Variants in TNRC18 observed in about 807,000 individuals in gnomAD.
The protein encoded by TNRC18 is trinucleotide repeat-containing gene 18 protein.
Under a neutral mutation model 226.7 loss-of-function variants are expected in TNRC18, and 69 were observed. That is an observed-to-expected ratio of 0.30 (90% CI 0.25 to 0.37). The LOEUF is 0.37. Ranked by LOEUF, TNRC18 falls within the 10% of genes least tolerant of loss-of-function variation. The pLI is 1.00. For missense variants in TNRC18, 4,754 were observed against 4,256.6 expected (o/e 1.12, Z -3.25); for synonymous variants, 2,449 against 1,927.6 (o/e 1.27, Z -7.09).
intron 15 of TNRC18, 75 bp from the exon 16 acceptor site, chr7:5,357,351 C>T: frequency 6.8e-7 from 1 of 1,464,824 alleles, no homozygotes; most frequent in Non-Finnish European, 9.1e-7. Context: ...ACATGCTCTG[C>T]CCAGCCTGGG....
intron 5 of TNRC18, among the ~76,000 whole-genome samples, chr7:5,380,524 C>T (rs186176742): frequency 2.0e-5 from 3 of 152,206 alleles, no homozygotes; most frequent in Non-Finnish European, 2.9e-5. Flanking sequence ...CCGGCCCAGA[C>T]GCCTGCAGGA....
At chr7:5,379,282 C>T (rs1017858357) in intron 5 of TNRC18, among the ~76,000 whole-genome samples, 4 of 151,888 alleles carry the variant, frequency 2.6e-5, no homozygotes, top group East Asian at 1.9e-4. Flanking sequence ...CCCAGGTACT[C>T]GTGAGGCTGA....
intron 2 of TNRC18, chr7:5,407,297 G>C (rs1345303798): frequency 6.6e-6 from 1 of 152,346 alleles, no homozygotes; most frequent in Non-Finnish European, 1.5e-5. Flanking sequence ...CCAGGACCAA[G>C]ACTGCAGTAG....
chr7:5,369,752 C>T (rs1486350175), intron 11 of TNRC18, among the ~76,000 whole-genome samples: 1 of 152,174 alleles, frequency 6.6e-6, no homozygotes, highest in South Asian at 2.1e-4. Flanking sequence ...CCTGCCTAAA[C>T]CAATTTAAAT....
intron 2 of TNRC18, among the ~76,000 whole-genome samples, chr7:5,416,778 G>T (rs1482853473): frequency 2.0e-5 from 3 of 151,944 alleles, no homozygotes; most frequent in African/African-American, 7.3e-5. Flanking sequence ...GATCTCCTGA[G>T]CCCAGGAGTT....
chr7:5,309,481 A>C lies in TNRC18; in HGVS notation c.8389-113T>G. On this transcript the variant is annotated intron_variant, in intron 27 of 29. Transcript: ENST00000430969. This position sits in a 1 kb window ranked among gnomAD's most constrained non-coding sequence, Gnocchi z 5.7. ...GCCCTCGGCCTCTAAATCAACCCCT[A>C]TCCAACTGTGGGGAGATGAGGAAGC... 11 of 851,668 alleles carry C rather than the reference A, an allele frequency of 1.3e-5. No individual in the cohort carries two copies. Among genetic ancestry groups the C allele is most frequent in the Non-Finnish European group, 1.8e-5 (10 of 552,788 alleles). 52.8% of individuals were successfully genotyped at this position (851,668 alleles called of 1,614,324 possible).
At chr7:5,390,678 C>G in intron 3 of TNRC18, 50 bp from the exon 4 acceptor site, 3 of 1,454,344 alleles carry the variant, frequency 2.1e-6, no homozygotes, top group South Asian at 1.5e-5. Context: ...TGCTGCTCAC[C>G]AGGAGCTTCC....
rs1794072147 is a variant in TNRC18, at chr7:5,370,796, C to T, written c.3798G>A (p.Val1266=). Reference sequence around the variant, plus strand: ...GCACTGCCTCCACCACGGGCACCGCCACAGGCACCTCCACCGGCTCCTCCT... The same window carrying T: ...GCACTGCCTCCACCACGGGCACCGCTACAGGCACCTCCACCGGCTCCTCCT... The part of the protein sequence containing the change: ...EAKEEPVEVP[V]AVPVVEAVPE... Residue 1266 remains valine (V), a synonymous_variant, in exon 11 of 30, where the codon GTG becomes GTA. Coordinates refer to ENST00000430969, the MANE Select transcript of TNRC18 (RefSeq NM_001080495.3). 3 of 1,607,228 alleles carry T rather than the reference C, an allele frequency of 1.9e-6. No individual in the cohort carries two copies. The South Asian group carries it at 3.3e-5, about 18-fold the overall frequency.
At chr7:5,395,462 A>G (rs892930071) in intron 2 of TNRC18, among the ~76,000 whole-genome samples, 2 of 152,194 alleles carry the variant, frequency 1.3e-5, no homozygotes, top group African/African-American at 2.4e-5. Context: ...CCAGGCCCAC[A>G]TCGGACAGGG....
chr7:5,324,084 G>T lies in TNRC18; in HGVS notation c.6442+130C>A. The T allele has an allele frequency of 9.5e-7, 1 of 1,053,504 alleles. No homozygotes were observed. The highest frequency in any genetic ancestry group is 1.3e-6 in the Non-Finnish European group (1 of 745,488). The allele number at this position is 1,053,504 out of a possible 1,614,324, so 65.3% of individuals were successfully genotyped here. A position where few individuals can be genotyped will look rare whatever the true frequency, so the allele number is the denominator to read the frequency against. ...ATCGACCCGGATAACTCAGCCTCAG[G>T]ATCTCTGCTCCTGTGGTTCCCTGCC... On this transcript the variant is annotated intron_variant, in intron 21 of 29. Coordinates refer to ENST00000430969, the MANE Select transcript of TNRC18 (RefSeq NM_001080495.3). The surrounding 1 kb of genome is among the most constrained non-coding windows in gnomAD (Gnocchi z 4.8).
intron 2 of TNRC18, among the ~76,000 whole-genome samples, chr7:5,403,942 A>G (rs1208603960): frequency 2.0e-5 from 3 of 152,218 alleles, no homozygotes; most frequent in Non-Finnish European, 4.4e-5. Context: ...GATAGCAGCT[A>G]AAAATCCTGC....
In TNRC18 at chr7:5,309,271, G is replaced by C; in HGVS notation, c.8486C>G (p.Ser2829Cys). The C allele has an allele frequency of 6.2e-7, 1 of 1,613,902 alleles. No individual in the cohort carries two copies. The highest frequency in any genetic ancestry group is 8.5e-7 in the Non-Finnish European group (1 of 1,179,812). Residue 2829 changes from serine (S) to cysteine (C), a missense_variant, in exon 28 of 30, where the codon TCT becomes TGT. By Grantham distance (112) the Ser-to-Cys change is moderately radical (BLOSUM62 -1). Transcript: ENST00000430969. The surrounding 1 kb of genome is among the most constrained non-coding windows in gnomAD (Gnocchi z 5.7). ...GTAGGGCAGGTTGGGGCGGCCGGCA[G>C]AGAGGAACACGGCACAGTCCCCGAT... The part of the protein sequence containing the change: ...IRIGDCAVFL[S>C]AGRPNLPYIG...
chr7:5,380,668 G>C (rs1779337726), intron 5 of TNRC18, among the ~76,000 whole-genome samples: 1 of 152,180 alleles, frequency 6.6e-6, no homozygotes, highest in Non-Finnish European at 1.5e-5. Flanking sequence ...CAGAAGCTGA[G>C]CCCACCATGC....
chr7:5,356,191 A>C (rs1174421643), intron 16 of TNRC18, among the ~76,000 whole-genome samples: 3 of 151,738 alleles, frequency 2.0e-5, no homozygotes, highest in South Asian at 2.1e-4. Context: ...AAAAGAAAGA[A>C]AATAGTGGGA....
At chr7:5,338,566 C>A (rs1790344963) in intron 18 of TNRC18, among the ~76,000 whole-genome samples, 1 of 144,344 alleles carries the variant, frequency 6.9e-6, no homozygotes, top group Non-Finnish European at 1.5e-5. Context: ...GTAGAGGTTG[C>A]AGTGAGCTTA....
At chr7:5,321,880 C>A (rs1460910682) in intron 21 of TNRC18, among the ~76,000 whole-genome samples, 2 of 151,872 alleles carry the variant, frequency 1.3e-5, no homozygotes, top group Admixed American at 1.3e-4. Flanking sequence ...CCATGTTGGC[C>A]AGGCTGATCC....
chr7:5,333,671 C>G (rs1199936474), intron 18 of TNRC18, among the ~76,000 whole-genome samples: 1 of 152,166 alleles, frequency 6.6e-6, no homozygotes, highest in African/African-American at 2.4e-5. Context: ...CACAGCCACC[C>G]AGCACTCGCC....
At chr7:5,380,282 C>T (rs1010420287) in intron 5 of TNRC18, among the ~76,000 whole-genome samples, 1 of 152,268 alleles carries the variant, frequency 6.6e-6, no homozygotes, top group East Asian at 1.9e-4. Flanking sequence ...CCCATCTCTA[C>T]AAAAACATAA....
At chr7:5,417,368 G>A (rs1782256733) in intron 2 of TNRC18, among the ~76,000 whole-genome samples, 1 of 151,720 alleles carries the variant, frequency 6.6e-6, no homozygotes, top group African/African-American at 2.4e-5. Context: ...TACTCGGGAG[G>A]CTGAGGTAGG....
Sources: gnomAD v4.1 joint callset for allele counts (sites outside exome capture counted in the v4.1 genomes callset) on GRCh38, gnomAD v4.1.1 for gene constraint, Gnocchi (gnomAD v3.1) non-coding constraint, MANE v1.5 for transcripts, NCBI Gene and HGNC (gene_info 2026-07-23, HGNC 2026-07-21) for gene names.